IQCK: variants seen among roughly 807,000 people sequenced by gnomAD.
IQCK encodes the protein IQ domain-containing protein K.
Under a neutral mutation model 28.1 loss-of-function variants are expected in IQCK, and 29 were observed. The ratio of observed to expected loss-of-function variants is 1.03; its 90% CI spans 0.77 to 1.41. IQCK has a LOEUF of 1.41. Among genes scored for constraint, IQCK ranks in the 40% most tolerant of loss-of-function variants. The pLI, the probability that IQCK is intolerant of heterozygous loss-of-function variation, is 0.00. For synonymous variants in IQCK, 113 were observed against 115.1 expected (o/e 0.98, Z 0.12); for missense variants, 359 against 314.7 (o/e 1.14, Z -1.07).
In IQCK at chr16:19,733,423, G is replaced by A. The variant is rs143306825; in HGVS notation, c.247-275G>A. On this transcript the variant is annotated intron_variant, in intron 2 of 7. Transcript: ENST00000564186. Reference sequence around the variant, plus strand: ...CGAAGTGCTGGGATTACAGGCGTGAGTTTCTTGCTTCTTGAGTGAGGCTTC... The same window carrying A: ...CGAAGTGCTGGGATTACAGGCGTGAATTTCTTGCTTCTTGAGTGAGGCTTC... Among the ~76,000 whole-genome samples, 100 of 152,254 alleles carry A rather than the reference G, an allele frequency of 6.6e-4. No homozygotes were observed. In the East Asian group the frequency reaches 9.5e-3, roughly 14 times the overall value.
At chr16:19,738,812 A>T (rs570052128) in intron 4 of IQCK, among the ~76,000 whole-genome samples, 48 of 152,312 alleles carry the variant, frequency 3.2e-4, no homozygotes, top group Non-Finnish European at 6.8e-4. Context: ...CGCCATCTAG[A>T]GTCCTTATTC....
chr16:19,855,182 G>A (rs1268726459), intron 9 of IQCK, among the ~76,000 whole-genome samples: 1 of 152,156 alleles, frequency 6.6e-6, no homozygotes, highest in Admixed American at 6.5e-5. Flanking sequence ...GTGGGAAGCT[G>A]ATGATCTGGA....
At chr16:19,840,195 A>G (rs2056348989) in intron 9 of IQCK, among the ~76,000 whole-genome samples, 1 of 152,142 alleles carries the variant, frequency 6.6e-6, no homozygotes, top group Non-Finnish European at 1.5e-5. Flanking sequence ...GTCTCTACTA[A>G]AAATACAAAA....
chr16:19,833,754 T>C lies in IQCK; in HGVS notation c.802+6617T>C, dbSNP rs1360285920. Among the ~76,000 whole-genome samples the C allele has an allele frequency of 3.3e-5, 5 of 152,198 alleles. No homozygotes were observed. In the East Asian group the frequency reaches 9.6e-4, roughly 29 times the overall value. Reference sequence around the variant, plus strand: ...TAGGATTTCCCTGTGGTTTAAAGGCTATTCTTAAGATGAACACCTCATCTT... The same window carrying C: ...TAGGATTTCCCTGTGGTTTAAAGGCCATTCTTAAGATGAACACCTCATCTT... On this transcript the variant is annotated intron_variant, in intron 9 of 9. Transcript: ENST00000320394.
chr16:19,851,011 G>A (rs1211616213), intron 9 of IQCK, among the ~76,000 whole-genome samples: 6 of 152,134 alleles, frequency 3.9e-5, no homozygotes, highest in South Asian at 2.1e-4. Flanking sequence ...GTAACAGAGC[G>A]AGACCTGGTC....
chr16:19,782,914 A>G (rs1171229750), intron 6 of IQCK, among the ~76,000 whole-genome samples: 1 of 152,238 alleles, frequency 6.6e-6, no homozygotes, highest in Non-Finnish European at 1.5e-5. Context: ...ACATGTGCAC[A>G]TACATTTATA....
At chr16:19,818,366 G>A (rs928858820) in intron 7 of IQCK, among the ~76,000 whole-genome samples, 2 of 152,012 alleles carry the variant, frequency 1.3e-5, no homozygotes, top group Admixed American at 1.3e-4. Flanking sequence ...GTGTGTGTGT[G>A]TATACACATA....
At position 19,846,439 on chromosome 16, in the gene IQCK, C is replaced by T. The variant is rs1197537077; in HGVS notation, c.803-10048C>T. The stretch of plus-strand genomic sequence containing the variant: ...TTTTTCCAGGAATCAAGACCCTTTA[C>T]GGGGTCAAACCTTGATAATCCCATG... On this transcript the variant is annotated intron_variant, in intron 9 of 9. Transcript: ENST00000320394. 4.6e-5 allele frequency among the ~76,000 whole-genome samples: 7 copies of T among 152,338 alleles called. No individual in the cohort carries two copies. The East Asian group carries it at 1.2e-3, about 25-fold the overall frequency.
At chr16:19,759,914 C>T (rs910773541) in intron 4 of IQCK, among the ~76,000 whole-genome samples, 1 of 151,966 alleles carries the variant, frequency 6.6e-6, no homozygotes, top group Non-Finnish European at 1.5e-5. Context: ...CACTTGAGCC[C>T]AGGAGTTTGA....
chr16:19,744,243 T>A (rs2054876117), intron 4 of IQCK, among the ~76,000 whole-genome samples: 1 of 152,230 alleles, frequency 6.6e-6, no homozygotes, highest in Admixed American at 6.5e-5. Context: ...TTAGATTATT[T>A]TTTCTTCTTT....
At chr16:19,843,342 C>T (rs904288421) in intron 9 of IQCK, among the ~76,000 whole-genome samples, 1 of 152,202 alleles carries the variant, frequency 6.6e-6, no homozygotes, top group Non-Finnish European at 1.5e-5. Flanking sequence ...AGAAGAAACC[C>T]TACACCCTTT....
At chr16:19,730,371 A>G (rs1475890346) in intron 1 of IQCK, 59 bp from the exon 2 acceptor site, 17 of 1,315,800 alleles carry the variant, frequency 1.3e-5, no homozygotes, top group Non-Finnish European at 1.7e-5. Flanking sequence ...GGAGAAGGAA[A>G]TTACACCAGA....
At chr16:19,840,942 A>G (rs2056356586) in intron 9 of IQCK, among the ~76,000 whole-genome samples, 1 of 152,200 alleles carries the variant, frequency 6.6e-6, no homozygotes, top group African/African-American at 2.4e-5. Flanking sequence ...TGCCTTAAAG[A>G]GTAACGATCC....
At chr16:19,838,171 G>A (rs1271899747) in intron 9 of IQCK, among the ~76,000 whole-genome samples, 1 of 152,198 alleles carries the variant, frequency 6.6e-6, no homozygotes, top group Non-Finnish European at 1.5e-5. Context: ...GCTGTTGCCG[G>A]GTTTGGGAGT....
intron 9 of IQCK, among the ~76,000 whole-genome samples, chr16:19,833,726 G>A (rs1380979446): frequency 2.0e-5 from 3 of 152,080 alleles, no homozygotes; most frequent in African/African-American, 4.8e-5. Context: ...AAATCCTAGC[G>A]ATTAGGATTT....
chr16:19,826,112 T>A (rs1387009951), intron 7 of IQCK, among the ~76,000 whole-genome samples: 2 of 151,822 alleles, frequency 1.3e-5, no homozygotes, highest in Non-Finnish European at 2.9e-5. Context: ...GCTCAAGCAA[T>A]CCTCCCATAT....
At chr16:19,806,360 C>A (rs1464567058) in intron 7 of IQCK, among the ~76,000 whole-genome samples, 1 of 148,376 alleles carries the variant, frequency 6.7e-6, no homozygotes, top group Admixed American at 6.7e-5. Context: ...GCGAGACTCT[C>A]TGTCTAAAAA....
rs771589713 is a variant in IQCK, at chr16:19,764,025, T to C, written c.528-10T>C. On this transcript the variant is annotated splice_polypyrimidine_tract_variant and intron_variant, in intron 5 of 7. Transcript: ENST00000564186. ...TTTCTTGTCAATCAAACATATGGCA[T>C]CATGACCAGCCAAAATCCAAAGAGG... 1 of 1,613,792 alleles carries C rather than the reference T, an allele frequency of 6.2e-7. No individual in the cohort carries two copies. Among genetic ancestry groups the C allele is most frequent in the Admixed American group, 1.7e-5 (1 of 60,018 alleles).
Position 19,724,811 on chromosome 16 carries a change from C to T in IQCK, c.182-5619C>T, listed in dbSNP as rs1285204957. On this transcript the variant is annotated intron_variant, in intron 1 of 7. Transcript: ENST00000564186. ...CCTCCCAAAGTGCTGGGATTACAGG[C>T]GCGATCCACCGTGCCCGGCCACCAG... is the stretch of plus-strand genomic sequence containing the variant. Among the ~76,000 whole-genome samples the T allele has an allele frequency of 5.9e-5, 9 of 152,220 alleles. No homozygotes were observed. In the South Asian group the frequency reaches 1.0e-3, roughly 18 times the overall value.
Sources: gnomAD v4.1 joint callset for allele counts (sites outside exome capture counted in the v4.1 genomes callset) on GRCh38, gnomAD v4.1.1 for gene constraint, MANE v1.5 for transcripts, NCBI Gene and HGNC (gene_info 2026-07-23, HGNC 2026-07-21) for gene names.